Variants in SNX5 observed in about 807,000 individuals in gnomAD.
The protein encoded by SNX5 is sorting nexin-5.
SNX5 carries 31 observed loss-of-function variants against 53.9 expected under a neutral mutation model. That is an observed-to-expected ratio of 0.58 (90% CI 0.43 to 0.78). The LOEUF (loss-of-function observed/expected upper bound fraction) is 0.78. Among genes scored for constraint, SNX5 ranks in the 30% least tolerant of loss-of-function variants. The probability of loss-of-function intolerance (pLI) is 0.00; values close to 1 mark genes in which losing one functional copy is unlikely to be tolerated. For synonymous variants in SNX5, 168 were observed against 171.1 expected, an observed-to-expected ratio of 0.98 and a Z score of 0.14; for missense variants, 471 against 478.8, an observed-to-expected ratio of 0.98 and a Z score of 0.15.
intron 1 of SNX5, chr20:17,961,892 C>T: frequency 1.0e-6 from 1 of 985,312 alleles, no homozygotes; most frequent in Non-Finnish European, 1.2e-6. Flanking sequence ...CCACACCTTG[C>T]CTAGTCCAAT....
At chr20:17,959,179 AGGAG>A (rs2035410381) in intron 1 of SNX5, among the ~76,000 whole-genome samples, 1 of 152,226 alleles carries the variant, frequency 6.6e-6, no homozygotes, top group Non-Finnish European at 1.5e-5. Context: ...GAATTCGAAT[AGGAG>A]GACCCAAGGG....
chr20:17,948,751 T>C (rs1464251382), intron 10 of SNX5, 139 bp downstream of exon 10: 6 of 678,690 alleles, frequency 8.8e-6, no homozygotes, highest in African/African-American at 5.4e-5. Context: ...ACAAGCTTTA[T>C]GGATACAATG....
intron 8 of SNX5, 26 bp downstream of exon 8, chr20:17,950,106 G>C: frequency 6.2e-7 from 1 of 1,603,772 alleles, no homozygotes; most frequent in Non-Finnish European, 8.5e-7. Context: ...TTGGGTTAGG[G>C]GAAATGCTTT....
rs760284212 is a variant in SNX5, at chr20:17,950,136, T to C, written c.787A>G (p.Lys263Glu). The C allele has an allele frequency of 1.2e-6, 2 of 1,614,118 alleles. No homozygotes were observed. Among genetic ancestry groups the C allele is most frequent in the South Asian group, 1.1e-5 (1 of 91,082 alleles). ...TGCTTTTCCAAAAAAACTTACTTTTTGATGACTGTGGGCTCTTCTAAAGCC... is the reference window on the plus strand; with the variant it reads ...TGCTTTTCCAAAAAAACTTACTTTTCGATGACTGTGGGCTCTTCTAAAGCC... Reference protein sequence around the residue: ...SLALEEPTVIKKYLLKVAELF... With the variant: ...SLALEEPTVIEKYLLKVAELF... Residue 263 changes from lysine (K) to glutamate (E), a missense_variant, in exon 8 of 13, where the codon AAA becomes GAA. Transcript: ENST00000377759.
At chr20:17,958,060 G>A (rs1475956197) in intron 1 of SNX5, among the ~76,000 whole-genome samples, 1 of 151,272 alleles carries the variant, frequency 6.6e-6, no homozygotes, top group Non-Finnish European at 1.5e-5. Flanking sequence ...TAGGAACTGG[G>A]CTATTAGGGA....
At chr20:17,945,476 G>C (rs547983696) in intron 11 of SNX5, 1 of 152,306 alleles carries the variant, frequency 6.6e-6, no homozygotes, top group Non-Finnish European at 1.5e-5. Context: ...AGGCAGTAAA[G>C]GTAGACCTGA....
chr20:17,942,109 G>T lies in SNX5; in HGVS notation c.*248C>A, dbSNP rs2039425286. 2 of 452,162 alleles carry T rather than the reference G, an allele frequency of 4.4e-6. No homozygotes were observed. The highest frequency in any genetic ancestry group is 7.2e-5 in the Admixed American group (2 of 27,794). The allele number at this position is 452,162 out of a possible 1,614,324, so 28.0% of individuals were successfully genotyped here. ...TAGTAACTAAAGACGAACTACGGGA[G>T]AACCCAGTATTTGGATTCTGCCCAG... On this transcript the variant is annotated 3_prime_UTR_variant, in exon 13 of 13. Transcript: ENST00000377759.
intron 1 of SNX5, among the ~76,000 whole-genome samples, chr20:17,964,517 GGAGATCTTGTCA>G (rs1238629190): frequency 2.0e-5 from 3 of 151,960 alleles, no homozygotes; most frequent in African/African-American, 7.3e-5. Context: ...ATCTCTTTTA[GGAGATCTTGTCA>G]GAGTACCTCA....
intron 1 of SNX5, 113 bp from the exon 2 acceptor site, chr20:17,957,150 G>A (rs1054252127): frequency 7.6e-5 from 54 of 710,928 alleles, no homozygotes; most frequent in Admixed American, 4.5e-4. Flanking sequence ...AGAAATGTCA[G>A]TTGAGCTGGG....
intron 5 of SNX5, 142 bp downstream of exon 5, chr20:17,952,445 T>C: frequency 1.2e-6 from 1 of 803,096 alleles, no homozygotes; most frequent in Non-Finnish European, 1.8e-6. Context: ...AAAAAATGAC[T>C]TACAATGAAG....
At chr20:17,964,243 C>G (rs1449184070) in intron 1 of SNX5, among the ~76,000 whole-genome samples, 1 of 152,146 alleles carries the variant, frequency 6.6e-6, no homozygotes, top group Non-Finnish European at 1.5e-5. Context: ...GACAAGGGAG[C>G]CATCTGGATT....
chr20:17,947,339 T>C (rs1419768882), intron 11 of SNX5, 147 bp downstream of exon 11: 7 of 765,842 alleles, frequency 9.1e-6, no homozygotes, highest in South Asian at 1.9e-5. Flanking sequence ...TGAGGATGAC[T>C]GTGCATGTGC....
chr20:17,956,872 C>G, intron 2 of SNX5, 61 bp downstream of exon 2: 1 of 860,212 alleles, frequency 1.2e-6, no homozygotes, highest in Non-Finnish European at 2.0e-6. Flanking sequence ...CTTCTCACAT[C>G]CACTGTGAAT....
intron 1 of SNX5, among the ~76,000 whole-genome samples, chr20:17,959,178 T>TTAC (rs2035410231): frequency 6.6e-6 from 1 of 152,184 alleles, no homozygotes; most frequent in Non-Finnish European, 1.5e-5. Flanking sequence ...GGAATTCGAA[T>TTAC]AGGAGGACCC....
At chr20:17,958,021 A>AAG (rs386393440) in intron 1 of SNX5, among the ~76,000 whole-genome samples, 3 of 150,638 alleles carry the variant, frequency 2.0e-5, no homozygotes, top group Non-Finnish European at 4.4e-5. Flanking sequence ...AAAAAAAAAA[A>AAG]AGAGAGGAGA....
chr20:17,958,342 T>G (rs776309490), intron 1 of SNX5, among the ~76,000 whole-genome samples: 6 of 152,246 alleles, frequency 3.9e-5, no homozygotes, highest in Non-Finnish European at 8.8e-5. Flanking sequence ...TAAAAACTTA[T>G]GTACTTAACC....
intron 1 of SNX5, among the ~76,000 whole-genome samples, chr20:17,958,020 A>G (rs1448746760): frequency 6.6e-6 from 1 of 151,036 alleles, no homozygotes; most frequent in African/African-American, 2.5e-5. Context: ...AAAAAAAAAA[A>G]AAGAGAGGAG....
intron 6 of SNX5, 145 bp from the exon 7 acceptor site, chr20:17,950,541 A>C: frequency 1.7e-6 from 1 of 581,496 alleles, no homozygotes; most frequent in Non-Finnish European, 3.0e-6. Context: ...AGGGAATTAC[A>C]AATTTACGAT....
At chr20:17,961,718 A>G in intron 1 of SNX5, 1 of 985,360 alleles carries the variant, frequency 1.0e-6, no homozygotes. Flanking sequence ...CTTTCAAACT[A>G]TCTGTTCCTA....
Sources: gnomAD v4.1 joint callset for allele counts (sites outside exome capture counted in the v4.1 genomes callset) on GRCh38, gnomAD v4.1.1 for gene constraint, MANE v1.5 for transcripts, NCBI Gene and HGNC (gene_info 2026-07-23, HGNC 2026-07-21) for gene names.